The following TMTC1 variants were observed in gnomAD, a reference collection of about 807,000 sequenced individuals.
TMTC1 encodes protein O-mannosyl-transferase TMTC1.
TMTC1 carries 73 observed loss-of-function variants against 104.8 expected under a neutral mutation model. The ratio of observed to expected loss-of-function variants is 0.70; its 90% CI spans 0.58 to 0.85. The LOEUF is 0.85. Among genes scored for constraint, TMTC1 ranks in the 40% least tolerant of loss-of-function variants. The pLI is 0.00. For synonymous variants in TMTC1, 434 were observed against 428.7 expected, an observed-to-expected ratio of 1.01 and a Z score of -0.15; for missense variants, 1,035 against 1,096.1, an observed-to-expected ratio of 0.94 and a Z score of 0.79.
intron 9 of TMTC1, among the ~76,000 whole-genome samples, chr12:29,563,467 G>A (rs1219804284): frequency 6.6e-6 from 1 of 152,106 alleles, no homozygotes; most frequent in Non-Finnish European, 1.5e-5. Context: ...TGCCAAGTAA[G>A]GAGATCATGA....
chr12:29,672,020 A>G (rs1471533608), intron 5 of TMTC1, among the ~76,000 whole-genome samples: 1 of 152,160 alleles, frequency 6.6e-6, no homozygotes, highest in Non-Finnish European at 1.5e-5. Context: ...TGGGGGCACT[A>G]CTGAAAGTGT....
intron 5 of TMTC1, among the ~76,000 whole-genome samples, chr12:29,670,631 A>T (rs1940468045): frequency 6.6e-6 from 1 of 152,146 alleles, no homozygotes; most frequent in Non-Finnish European, 1.5e-5. Context: ...CATACATTTG[A>T]AAGGACATGA....
intron 5 of TMTC1, among the ~76,000 whole-genome samples, chr12:29,691,381 C>T (rs2136757138): frequency 6.6e-6 from 1 of 152,272 alleles, no homozygotes; most frequent in East Asian, 1.9e-4. Flanking sequence ...ACTTCGCAAG[C>T]CCCTACCCGC....
intron 1 of TMTC1, among the ~76,000 whole-genome samples, chr12:29,780,541 AAAG>A (rs1943810676): frequency 6.6e-6 from 1 of 152,346 alleles, no homozygotes; most frequent in South Asian, 2.1e-4. Context: ...TGATTGCAAT[AAAG>A]AAGTACTGAG....
At chr12:29,751,553 G>A in intron 5 of TMTC1, 113 bp downstream of exon 5, 1 of 1,056,074 alleles carries the variant, frequency 9.5e-7, no homozygotes, top group Admixed American at 1.7e-5. Context: ...AGCATGAAGA[G>A]AGGGAGGTCA....
intron 5 of TMTC1, among the ~76,000 whole-genome samples, chr12:29,669,520 C>A (rs1940422534): frequency 1.3e-5 from 2 of 151,954 alleles, no homozygotes; most frequent in African/African-American, 4.8e-5. Context: ...ATGGTGAACA[C>A]CAGGAAGTAG....
chr12:29,755,573 T>A, intron 4 of TMTC1, 136 bp downstream of exon 4: 2 of 699,010 alleles, frequency 2.9e-6, no homozygotes, highest in Non-Finnish European at 4.6e-6. Context: ...ATAAGCCTTG[T>A]TGATTACGTG....
chr12:29,694,208 T>C (rs184273969), intron 5 of TMTC1, among the ~76,000 whole-genome samples: 44 of 152,328 alleles, frequency 2.9e-4, no homozygotes, highest in Admixed American at 2.4e-3. Flanking sequence ...TACGCTTGCC[T>C]ATGCTTCTTG....
At chr12:29,757,198 C>T (rs1286983056) in intron 3 of TMTC1, among the ~76,000 whole-genome samples, 1 of 152,166 alleles carries the variant, frequency 6.6e-6, no homozygotes, top group Non-Finnish European at 1.5e-5. Flanking sequence ...TTAAACAAAA[C>T]AAAACTTCCT....
chr12:29,635,241 G>A (rs1938491617), intron 5 of TMTC1, among the ~76,000 whole-genome samples: 1 of 150,448 alleles, frequency 6.6e-6, no homozygotes, highest in Non-Finnish European at 1.5e-5. Context: ...CTGCGACATT[G>A]TCACCTGAGA....
chr12:29,597,242 C>CTTTTTT (rs36063501), intron 7 of TMTC1, among the ~76,000 whole-genome samples: 11 of 124,178 alleles, frequency 8.9e-5, no homozygotes, highest in African/African-American at 2.9e-4. Context: ...TCTTTTCTTT[C>CTTTTTT]TTTTTTTTTT....
chr12:29,755,039 T>A (rs116329769), intron 4 of TMTC1, among the ~76,000 whole-genome samples: 1 of 152,166 alleles, frequency 6.6e-6, no homozygotes, highest in South Asian at 2.1e-4. Context: ...TTACTGGTAA[T>A]TATGGATTTG....
intron 5 of TMTC1, chr12:29,666,221 C>CTTT: frequency 2.5e-6 from 1 of 395,964 alleles, no homozygotes; most frequent in Non-Finnish European, 4.8e-6. Flanking sequence ...TTCTTTTTTT[C>CTTT]TTTTTTCTTT....
intron 2 of TMTC1, among the ~76,000 whole-genome samples, chr12:29,761,060 A>G (rs1310894259): frequency 6.8e-6 from 1 of 147,944 alleles, no homozygotes; most frequent in Non-Finnish European, 1.5e-5. Context: ...ATTAATAAGT[A>G]TTATATGTTT....
At chr12:29,706,962 C>T (rs1418633540) in intron 5 of TMTC1, among the ~76,000 whole-genome samples, 3 of 152,132 alleles carry the variant, frequency 2.0e-5, no homozygotes, top group Admixed American at 6.5e-5. Context: ...AGTGGAAAAA[C>T]GTATTCTCCC....
At chr12:29,696,553 A>G (rs1941429921) in intron 5 of TMTC1, among the ~76,000 whole-genome samples, 1 of 152,194 alleles carries the variant, frequency 6.6e-6, no homozygotes, top group Non-Finnish European at 1.5e-5. Context: ...GAAAGATTTG[A>G]GGCAACATTA....
intron 5 of TMTC1, among the ~76,000 whole-genome samples, chr12:29,643,500 T>C: frequency 1.7e-5 from 1 of 60,218 alleles, no homozygotes; most frequent in African/African-American, 7.9e-5. Context: ...TATTATATAT[T>C]ATATATTTTA....
intron 11 of TMTC1, among the ~76,000 whole-genome samples, chr12:29,528,664 T>A (rs1171634803): frequency 6.6e-6 from 1 of 152,188 alleles, no homozygotes; most frequent in Non-Finnish European, 1.5e-5. Flanking sequence ...ATAGTTCAGG[T>A]TCCAATAACT....
At position 29,512,042 on chromosome 12, in the gene TMTC1, C is replaced by T. The variant is rs1458676789; in HGVS notation, c.2508+1G>A. ...CACATGGGAGTGAATTATTCTCCTACCTTGATGTGTTGGATGCCACCCATG... is the reference window on the plus strand; with the variant it reads ...CACATGGGAGTGAATTATTCTCCTATCTTGATGTGTTGGATGCCACCCATG... On this transcript the variant is annotated splice_donor_variant, in intron 17 of 17. Coordinates refer to ENST00000539277, the MANE Select transcript of TMTC1 (RefSeq NM_001193451.2). LOFTEE classifies it high-confidence loss of function. 1.6e-5 allele frequency: 26 copies of T among 1,613,910 alleles called. No homozygotes were observed. The highest frequency in any genetic ancestry group is 2.1e-5 in the Non-Finnish European group (25 of 1,179,930).
Sources: allele counts gnomAD v4.1 joint callset (sites outside exome capture counted in the v4.1 genomes callset), GRCh38; gene constraint gnomAD v4.1.1; transcripts MANE v1.5; gene names NCBI Gene and HGNC (gene_info 2026-07-23, HGNC 2026-07-21).